Variants in PPP1R12A observed in about 807,000 individuals in gnomAD.
The protein encoded by PPP1R12A is protein phosphatase 1 regulatory subunit 12A, also known as myosin binding subunit.
A neutral mutation model predicts 139.6 loss-of-function variants in PPP1R12A; 19 were observed. The ratio of observed to expected loss-of-function variants is 0.14; its 90% CI spans 0.09 to 0.20. The LOEUF is 0.20. PPP1R12A is among the 10% of genes least tolerant of loss of function. PPP1R12A has a pLI of 1.00. For missense variants in PPP1R12A, 925 were observed against 1,211.5 expected (o/e 0.76, Z 3.51); for synonymous variants, 427 against 420.6 (o/e 1.02, Z -0.19).
At chr12:79,827,320 T>G (rs1427256039) in intron 5 of PPP1R12A, among the ~76,000 whole-genome samples, 2 of 152,148 alleles carry the variant, frequency 1.3e-5, no homozygotes, top group Admixed American at 6.5e-5. Flanking sequence ...ATAAAATATA[T>G]TTTTAAATCA....
intron 2 of PPP1R12A, among the ~76,000 whole-genome samples, chr12:79,860,166 A>C (rs1373371503): frequency 2.0e-5 from 3 of 152,218 alleles, no homozygotes; most frequent in African/African-American, 7.2e-5. Context: ...AGCCTAAAAA[A>C]CAAATGTGGT....
At chr12:79,896,091 G>A (rs1029515945) in intron 1 of PPP1R12A, among the ~76,000 whole-genome samples, 17 of 152,170 alleles carry the variant, frequency 1.1e-4, no homozygotes, top group African/African-American at 4.1e-4. Context: ...AAAAGTAGGT[G>A]ATTAGAGAGA....
intron 3 of PPP1R12A, chr12:79,832,698 T>A: frequency 2.5e-6 from 1 of 395,940 alleles, no homozygotes; most frequent in Non-Finnish European, 4.4e-6. Flanking sequence ...TATTACTTGG[T>A]TTTTGCTTCA....
intron 2 of PPP1R12A, among the ~76,000 whole-genome samples, chr12:79,860,076 G>A (rs1258533651): frequency 6.6e-6 from 1 of 152,032 alleles, no homozygotes; most frequent in African/African-American, 2.4e-5. Flanking sequence ...GCTAATACAG[G>A]GCTAATTTCC....
At chr12:79,820,720 T>G (rs535082874) in intron 8 of PPP1R12A, 54 bp downstream of exon 8, 596 of 1,579,122 alleles carry the variant, frequency 3.8e-4, no homozygotes, top group Non-Finnish European at 5.0e-4. Context: ...TCATCTTGTC[T>G]TATTTTACAC....
At chr12:79,864,321 C>A (rs1422225088) in intron 2 of PPP1R12A, among the ~76,000 whole-genome samples, 1 of 152,156 alleles carries the variant, frequency 6.6e-6, no homozygotes, top group Non-Finnish European at 1.5e-5. Flanking sequence ...ACCAGAATCT[C>A]TAGGACACAT....
intron 2 of PPP1R12A, among the ~76,000 whole-genome samples, chr12:79,851,638 T>C (rs985857049): frequency 1.3e-5 from 2 of 152,240 alleles, no homozygotes. Flanking sequence ...GTTAGGAGTT[T>C]GCTAGGTTTC....
In PPP1R12A at chr12:79,782,861, A is replaced by C. The variant is rs79176497; in HGVS notation, c.2908-999T>G. Among the ~76,000 whole-genome samples the C allele has an allele frequency of 5.2e-3, 789 of 152,344 alleles. 5 individuals carry two copies. The highest frequency in any genetic ancestry group is 0.018 in the African/African-American group (749 of 41,584). ...CAAAATATGCTTTAAAAACATATTGATTAAACACAATTTCACTGTTAAATG... is the reference window on the plus strand; with the variant it reads ...CAAAATATGCTTTAAAAACATATTGCTTAAACACAATTTCACTGTTAAATG... On this transcript the variant is annotated intron_variant, in intron 22 of 24. Transcript: ENST00000450142.
Position 79,890,701 on chromosome 12 carries a change from C to T in PPP1R12A, c.238-17763G>A, listed in dbSNP as rs112408306. 9.8e-3 allele frequency among the ~76,000 whole-genome samples: 1,489 copies of T among 152,160 alleles called. 31 individuals carry two copies. Among genetic ancestry groups the T allele is most frequent in the African/African-American group, 0.035 (1,434 of 41,520 alleles). ...ATTAATTGAACAACTTACTTTTTAA[C>T]ATAAAGCATGGAGGCCTAGCTCAAA... On this transcript the variant is annotated intron_variant, in intron 1 of 24. Transcript: ENST00000450142.
intron 4 of PPP1R12A, among the ~76,000 whole-genome samples, chr12:79,831,194 A>C (rs1877377482): frequency 6.6e-6 from 1 of 152,172 alleles, no homozygotes. Flanking sequence ...GTTTTGGATT[A>C]GAGAGAAACA....
intron 1 of PPP1R12A, among the ~76,000 whole-genome samples, chr12:79,931,056 A>C (rs574926340): frequency 1.3e-5 from 2 of 152,344 alleles, no homozygotes; most frequent in African/African-American, 4.8e-5. Flanking sequence ...ATTCCTGACG[A>C]TGTAAAATTG....
intron 14 of PPP1R12A, among the ~76,000 whole-genome samples, chr12:79,799,676 A>C (rs1317842263): frequency 6.6e-6 from 1 of 152,120 alleles, no homozygotes; most frequent in African/African-American, 2.4e-5. Context: ...TCCTCTTGTC[A>C]CGGGGTATGC....
chr12:79,818,238 C>T (rs1875645452), intron 8 of PPP1R12A, among the ~76,000 whole-genome samples: 1 of 152,114 alleles, frequency 6.6e-6, no homozygotes, highest in Non-Finnish European at 1.5e-5. Context: ...CCATGTACCA[C>T]CATCCAACTT....
At position 79,917,723 on chromosome 12, in the gene PPP1R12A, T is replaced by G. The variant is rs534173581; in HGVS notation, c.237+16972A>C. On this transcript the variant is annotated intron_variant, in intron 1 of 24. Coordinates refer to ENST00000450142, the MANE Select transcript of PPP1R12A (RefSeq NM_002480.3). Reference sequence around the variant, plus strand: ...CAAAAAAGAAAAAACATTAAATCTATTAGACATAAAAAGTGTATAAAGGTG... The same window carrying G: ...CAAAAAAGAAAAAACATTAAATCTAGTAGACATAAAAAGTGTATAAAGGTG... 5.9e-5 allele frequency among the ~76,000 whole-genome samples: 9 copies of G among 152,240 alleles called. No individual in the cohort carries two copies. In the South Asian group the frequency reaches 1.9e-3, roughly 32 times the overall value.
chr12:79,798,457 T>TTA, intron 15 of PPP1R12A, 37 bp downstream of exon 15: 1 of 1,326,248 alleles, frequency 7.5e-7, no homozygotes, highest in Non-Finnish European at 1.0e-6. Context: ...TATATGCTAC[T>TTA]TATGTAAGTT....
intron 2 of PPP1R12A, among the ~76,000 whole-genome samples, chr12:79,853,523 T>C (rs887582459): frequency 3.3e-5 from 5 of 152,232 alleles, no homozygotes; most frequent in Non-Finnish European, 7.3e-5. Context: ...CTAACACTTA[T>C]GAGAGAAATT....
chr12:79,825,230 T>C (rs1280246186), intron 5 of PPP1R12A: 1 of 152,176 alleles, frequency 6.6e-6, no homozygotes, highest in Non-Finnish European at 1.5e-5. Context: ...TGTCCATTAA[T>C]AGCAGAAATA....
chr12:79,872,861 T>C lies in PPP1R12A; in HGVS notation c.315A>G (p.Glu105=). The C allele has an allele frequency of 6.2e-7, 1 of 1,613,506 alleles. No homozygotes were observed. The highest frequency in any genetic ancestry group is 8.5e-7 in the Non-Finnish European group (1 of 1,179,598). The stretch of plus-strand genomic sequence containing the variant: ...CTGCTGCATGTAGTGGTATCCAGCC[T>C]TCATTATCAGGTTGATTAATATTTG... ...NGANINQPDN[E]GWIPLHAAAS... Residue 105 remains glutamate, a synonymous_variant, in exon 2 of 25, where the codon GAA becomes GAG. Coordinates refer to ENST00000450142, the MANE Select transcript of PPP1R12A (RefSeq NM_002480.3).
chr12:79,857,452 G>A (rs975937287), intron 2 of PPP1R12A, among the ~76,000 whole-genome samples: 1 of 151,662 alleles, frequency 6.6e-6, no homozygotes, highest in South Asian at 2.1e-4. Flanking sequence ...GGAAGGGGGA[G>A]GGATAGCATT....
Sources: gnomAD v4.1 joint callset for allele counts (sites outside exome capture counted in the v4.1 genomes callset) on GRCh38, gnomAD v4.1.1 for gene constraint, MANE v1.5 for transcripts, NCBI Gene and HGNC (gene_info 2026-07-23, HGNC 2026-07-21) for gene names.